Variants in COP1 observed in about 807,000 individuals in gnomAD.
The protein encoded by COP1 is E3 ubiquitin-protein ligase COP1.
Under a neutral mutation model 101.3 loss-of-function variants are expected in COP1, and 24 were observed. That is an observed-to-expected ratio of 0.24 (90% CI 0.17 to 0.33). COP1 has a LOEUF of 0.33. Ranked by LOEUF, COP1 falls within the 10% of genes least tolerant of loss-of-function variation. The pLI is 1.00. For missense variants in COP1, 663 were observed against 906.2 expected, an observed-to-expected ratio of 0.73 and a Z score of 3.45; for synonymous variants, 347 against 341.9, an observed-to-expected ratio of 1.01 and a Z score of -0.17.
At chr1:175,966,959 G>T (rs570338025) in intron 18 of COP1, among the ~76,000 whole-genome samples, 1 of 152,048 alleles carries the variant, frequency 6.6e-6, no homozygotes, top group Non-Finnish European at 1.5e-5. Flanking sequence ...TGAGATCTGG[G>T]GAATTGGGAT....
chr1:176,090,532 G>C (rs1056714007), intron 9 of COP1, among the ~76,000 whole-genome samples: 3 of 152,150 alleles, frequency 2.0e-5, no homozygotes, highest in Non-Finnish European at 1.5e-5. Context: ...TGAACTCAGA[G>C]ATGTAATGAT....
At position 176,162,959 on chromosome 1, in the gene COP1, A is replaced by G. The variant is rs1314797850; in HGVS notation, c.672T>C (p.Asp224=). The part of the protein sequence containing the change: ...TNGHRWQIFQ[D]WLGTDQDNLD... ...GGTTATCTTGGTCAGTTCCCAACCAATCTTGAAATATCTGCCACCTGTGGC... is the reference window on the plus strand; with the variant it reads ...GGTTATCTTGGTCAGTTCCCAACCAGTCTTGAAATATCTGCCACCTGTGGC... Residue 224 remains aspartate, a synonymous_variant, in exon 5 of 20, where the codon GAT becomes GAC. Transcript: ENST00000367669. The G allele has an allele frequency of 1.9e-6, 3 of 1,605,162 alleles. No individual in the cohort carries two copies. Among genetic ancestry groups the G allele is most frequent in the Admixed American group, 1.7e-5 (1 of 58,866 alleles).
rs149299376 is a variant in COP1 at position 176,040,815 on chromosome 1, C to T, written c.1612+2371G>A. 2.9e-3 allele frequency among the ~76,000 whole-genome samples: 447 copies of T among 152,228 alleles called. 1 individual carries two copies. The highest frequency in any genetic ancestry group is 4.7e-3 in the Non-Finnish European group (317 of 68,020). On this transcript the variant is annotated intron_variant, in intron 14 of 19. Transcript: ENST00000367669. ...AGGCATAACATGATGCGAAATAAAG[C>T]TTCCAATGCTAGAGCTATCCTTGCC...
chr1:175,953,782 C>T (rs563042253), intron 18 of COP1, among the ~76,000 whole-genome samples: 2 of 151,004 alleles, frequency 1.3e-5, no homozygotes, highest in African/African-American at 4.9e-5. Flanking sequence ...AAAAAAAACT[C>T]CTATATACAT....
chr1:176,002,926 C>T (rs1192436441), intron 15 of COP1, among the ~76,000 whole-genome samples: 22 of 145,436 alleles, frequency 1.5e-4, no homozygotes, highest in African/African-American at 2.8e-4. Flanking sequence ...CCTGAGGAAT[C>T]GCCACACTGA....
At chr1:175,946,557 G>C (rs1649195778) in intron 19 of COP1, among the ~76,000 whole-genome samples, 1 of 152,214 alleles carries the variant, frequency 6.6e-6, no homozygotes. Context: ...GTTTTGTTTA[G>C]AAAGTTCACT....
chr1:176,134,986 C>A (rs2149729797), intron 8 of COP1, 24 bp downstream of exon 8: 1 of 1,558,232 alleles, frequency 6.4e-7, no homozygotes, highest in Admixed American at 1.7e-5. Flanking sequence ...GAATTCTAAT[C>A]AATTGCAAGT....
At chr1:176,161,366 AT>A (rs916399775) in intron 5 of COP1, among the ~76,000 whole-genome samples, 27 of 152,254 alleles carry the variant, frequency 1.8e-4, no homozygotes, top group African/African-American at 6.5e-4. Flanking sequence ...AGGTGGGAGG[AT>A]TGCTTGAAGC....
intron 11 of COP1, 85 bp from the exon 12 acceptor site, chr1:176,046,409 A>G (rs1453720518): frequency 1.6e-6 from 2 of 1,275,008 alleles, no homozygotes; most frequent in East Asian, 5.0e-5. Context: ...AGGATAAAAG[A>G]TCTACTTTAA....
rs1052460449 is a variant in COP1 at position 176,162,932 on chromosome 1, A to G, written c.699T>C (p.Leu233=). 3.7e-6 allele frequency: 6 copies of G among 1,609,552 alleles called. No individual in the cohort carries two copies. Among genetic ancestry groups the G allele is most frequent in the Non-Finnish European group, 5.1e-6 (6 of 1,177,938 alleles). ...QDWLGTDQDN[L]DLANVNLMLE... is the part of the protein sequence containing the mutation. The stretch of plus-strand genomic sequence containing the variant: ...ACATAAGATTGACATTGGCCAAATC[A>G]AGGTTATCTTGGTCAGTTCCCAACC... Residue 233 remains leucine (L), a synonymous_variant, in exon 5 of 20, where the codon CTT becomes CTC. Coordinates refer to ENST00000367669, the MANE Select transcript of COP1 (RefSeq NM_022457.7).
intron 9 of COP1, among the ~76,000 whole-genome samples, chr1:176,088,969 T>C (rs1006185973): frequency 7.4e-6 from 1 of 134,484 alleles, no homozygotes; most frequent in Non-Finnish European, 1.5e-5. Context: ...CACTCCAGCC[T>C]GGGCAACAAG....
At chr1:175,984,397 C>A (rs1271335560) in intron 18 of COP1, among the ~76,000 whole-genome samples, 3 of 152,208 alleles carry the variant, frequency 2.0e-5, no homozygotes, top group Non-Finnish European at 4.4e-5. Context: ...AAATAAAGAA[C>A]TGAGGTTTGG....
At chr1:176,187,487 G>A (rs1698620143) in intron 1 of COP1, among the ~76,000 whole-genome samples, 1 of 151,778 alleles carries the variant, frequency 6.6e-6, no homozygotes, top group South Asian at 2.1e-4. Flanking sequence ...GGGCTGGAGC[G>A]ATTCTCCCAC....
At chr1:176,183,180 G>A (rs1698003143) in intron 2 of COP1, among the ~76,000 whole-genome samples, 1 of 152,154 alleles carries the variant, frequency 6.6e-6, no homozygotes, top group South Asian at 2.1e-4. Context: ...TCATGCTCCA[G>A]ATGAAACGAA....
At chr1:176,043,970 G>C (rs1017161735) in intron 12 of COP1, 152 bp from the exon 13 acceptor site, 2 of 559,346 alleles carry the variant, frequency 3.6e-6, no homozygotes, top group Non-Finnish European at 6.4e-6. Context: ...CCTGGGAAAA[G>C]ACATACCAAT....
intron 15 of COP1, among the ~76,000 whole-genome samples, chr1:175,991,731 T>G (rs1317271809): frequency 6.6e-6 from 1 of 152,220 alleles, no homozygotes; most frequent in Non-Finnish European, 1.5e-5. Flanking sequence ...AAAAGCTTTT[T>G]AAACTTTTTT....
chr1:175,970,192 C>T (rs926624146), intron 18 of COP1, among the ~76,000 whole-genome samples: 3 of 152,110 alleles, frequency 2.0e-5, no homozygotes, highest in Non-Finnish European at 2.9e-5. Context: ...AGTTGGTAGA[C>T]TGCATTCTAT....
In COP1 at chr1:176,103,952, A is replaced by C. The variant is rs138045186; in HGVS notation, c.1026+12672T>G. On this transcript the variant is annotated intron_variant, in intron 9 of 19. Coordinates refer to ENST00000367669, the MANE Select transcript of COP1 (RefSeq NM_022457.7). ...GATACTAAAGTTCCTATGAAAAAAC[A>C]AACAGGAAGAAATATTCTCTAAAAC... Among the ~76,000 whole-genome samples, 290 of 152,296 alleles carry C rather than the reference A, an allele frequency of 1.9e-3. 3 individuals carry two copies. The highest frequency in any genetic ancestry group is 6.7e-3 in the African/African-American group (280 of 41,576).
chr1:176,150,240 G>T (rs1240187121), intron 5 of COP1, among the ~76,000 whole-genome samples: 1 of 152,036 alleles, frequency 6.6e-6, no homozygotes, highest in Non-Finnish European at 1.5e-5. Flanking sequence ...AAAATAAGAG[G>T]CAAAACAGAT....
Sources: gnomAD v4.1 joint callset for allele counts (sites outside exome capture counted in the v4.1 genomes callset) on GRCh38, gnomAD v4.1.1 for gene constraint, MANE v1.5 for transcripts, NCBI Gene and HGNC (gene_info 2026-07-23, HGNC 2026-07-21) for gene names.